The following COL4A2 variants were observed in gnomAD, a reference collection of about 807,000 sequenced individuals.
The protein encoded by COL4A2 is collagen alpha-2(IV) chain.
A neutral mutation model predicts 200.2 loss-of-function variants in COL4A2; 99 were observed. The observed-to-expected ratio is 0.49, with a 90% confidence interval of 0.42 to 0.58. The LOEUF is 0.58. COL4A2 is among the 20% of genes least tolerant of loss of function. COL4A2 has a pLI of 0.00. For synonymous variants in COL4A2, 897 were observed against 900.6 expected (o/e 1.00, Z 0.07); for missense variants, 1,950 against 2,314.1 (o/e 0.84, Z 3.23).
At chr13:110,376,568 A>G (rs1878245360) in intron 4 of COL4A2, among the ~76,000 whole-genome samples, 1 of 152,198 alleles carries the variant, frequency 6.6e-6, no homozygotes, top group African/African-American at 2.4e-5. Flanking sequence ...TATAAAAATC[A>G]TCGTTTTTAC....
intron 4 of COL4A2, among the ~76,000 whole-genome samples, chr13:110,369,942 G>A (rs1005899798): frequency 6.6e-6 from 1 of 152,158 alleles, no homozygotes; most frequent in Non-Finnish European, 1.5e-5. Flanking sequence ...ATCAATAGCT[G>A]CAATATACCC....
At chr13:110,474,316 A>T (rs1208857730) in intron 29 of COL4A2, among the ~76,000 whole-genome samples, 1 of 152,174 alleles carries the variant, frequency 6.6e-6, no homozygotes, top group East Asian at 1.9e-4. Flanking sequence ...CCTAAGCGAG[A>T]TGGAGGCTAG....
chr13:110,486,037 G>A (rs536786975), intron 34 of COL4A2, among the ~76,000 whole-genome samples: 25 of 152,300 alleles, frequency 1.6e-4, no homozygotes, highest in Non-Finnish European at 3.1e-4. Flanking sequence ...GAGTCCAACC[G>A]GCTGCCGTGG....
Position 110,512,186 on chromosome 13 carries a change from C to T in COL4A2, c.5134C>T (p.Leu1712=), listed in dbSNP as rs1281691864. ...CCGCTGCCAGGTGTGCATGAAGAAC[C>T]TGTGAGCCGGCGCGTGCCAGGAAGG... ...ISRCQVCMKN[L] The change falls in exon 48 of 48, where the codon CTG becomes TTG. Residue 1712 remains leucine (L), a synonymous_variant. Transcript: ENST00000360467. 7 of 1,611,526 alleles carry T rather than the reference C, an allele frequency of 4.3e-6. No individual in the cohort carries two copies. Among genetic ancestry groups the T allele is most frequent in the Non-Finnish European group, 5.9e-6 (7 of 1,178,912 alleles).
intron 16 of COL4A2, among the ~76,000 whole-genome samples, chr13:110,442,628 T>C (rs1423021604): frequency 6.6e-6 from 1 of 152,244 alleles, no homozygotes; most frequent in Non-Finnish European, 1.5e-5. Context: ...TGGTTGCCTG[T>C]CATCCCCACT....
intron 3 of COL4A2, among the ~76,000 whole-genome samples, chr13:110,355,927 A>G (rs1877242252): frequency 6.6e-6 from 1 of 151,888 alleles, no homozygotes; most frequent in African/African-American, 2.4e-5. Flanking sequence ...GCACTGGCTC[A>G]CCTGTGGAAT....
intron 32 of COL4A2, among the ~76,000 whole-genome samples, chr13:110,483,886 C>G (rs1478332156): frequency 6.6e-5 from 10 of 152,192 alleles, no homozygotes; most frequent in Non-Finnish European, 1.3e-4. Flanking sequence ...TGTAATTGTT[C>G]TGTTTACTGG....
chr13:110,358,183 T>C (rs1877368634), intron 4 of COL4A2, among the ~76,000 whole-genome samples: 1 of 152,242 alleles, frequency 6.6e-6, no homozygotes, highest in Non-Finnish European at 1.5e-5. Flanking sequence ...TTTTATTCGA[T>C]GTTTTTTTCT....
In COL4A2 at chr13:110,355,775, TGG is replaced by T. The variant is rs200746862; in HGVS notation, c.100-1693_100-1692del. On this transcript the variant is annotated intron_variant, in intron 3 of 47. Coordinates refer to ENST00000360467, the MANE Select transcript of COL4A2 (RefSeq NM_001846.4). ...AGGGCTGCACTAGCTCACCTGTGTG[TGG>T]GGGTGGAGGGCTGTACAGCTCACCT... is the stretch of plus-strand genomic sequence containing the variant. Among the ~76,000 whole-genome samples, 39 of 36,702 alleles carry T rather than the reference TGG, an allele frequency of 1.1e-3. 6 individuals are homozygous for T. The highest frequency in any genetic ancestry group is 1.5e-3 in the Non-Finnish European group (34 of 23,250). 24.1% of individuals were successfully genotyped at this position (36,702 alleles called of 152,430 possible).
chr13:110,439,992 A>G (rs937229778), intron 16 of COL4A2, among the ~76,000 whole-genome samples, 159 bp downstream of exon 16: 1 of 152,220 alleles, frequency 6.6e-6, no homozygotes, highest in Non-Finnish European at 1.5e-5. Flanking sequence ...CCTGCCTCAC[A>G]ATACTTGAAC....
At chr13:110,333,841 A>G (rs1876043692) in intron 3 of COL4A2, among the ~76,000 whole-genome samples, 1 of 152,230 alleles carries the variant, frequency 6.6e-6, no homozygotes, top group Non-Finnish European at 1.5e-5. Context: ...ATAAGTTCTT[A>G]TCACGATCTA....
At chr13:110,452,214 C>A (rs61963247) in intron 20 of COL4A2, among the ~76,000 whole-genome samples, 26,348 of 152,136 alleles carry the variant, frequency 0.17, 2,533 homozygotes, top group Middle Eastern at 0.38. Context: ...GCTCACTGCA[C>A]GCTCCGCCTC....
chr13:110,436,263 ATGCAGG>A lies in COL4A2; in HGVS notation c.727-5_727del. The A allele has an allele frequency of 6.2e-7, 1 of 1,614,042 alleles. No individual in the cohort carries two copies. Among genetic ancestry groups the A allele is most frequent in the Non-Finnish European group, 8.5e-7 (1 of 1,180,002 alleles). ...AAGACAACTGCTTTTGCTTAACAAT[ATGCAGG>A]GTGACGTAGGGCAGCCGGGACCCAA... On this transcript the variant is annotated splice_acceptor_variant and splice_polypyrimidine_tract_variant and coding_sequence_variant and intron_variant, in exon 13 of 48. Transcript: ENST00000360467. LOFTEE classifies it high-confidence loss of function.
At chr13:110,345,170 A>G (rs1389823627) in intron 3 of COL4A2, among the ~76,000 whole-genome samples, 1 of 152,176 alleles carries the variant, frequency 6.6e-6, no homozygotes, top group Admixed American at 6.5e-5. Context: ...GGTCTTGACT[A>G]CACTGACAAG....
intron 19 of COL4A2, 117 bp from the exon 20 acceptor site, chr13:110,450,188 T>G: frequency 1.3e-6 from 1 of 796,950 alleles, no homozygotes; most frequent in Non-Finnish European, 2.1e-6. Context: ...CCCATCGGAG[T>G]TATTGACGGG....
chr13:110,396,799 G>T (rs61670564), intron 4 of COL4A2, among the ~76,000 whole-genome samples: 6 of 152,304 alleles, frequency 3.9e-5, no homozygotes, highest in African/African-American at 1.2e-4. Context: ...GCATCAAATT[G>T]TAGAGAATTG....
intron 17 of COL4A2, 27 bp from the exon 18 acceptor site, chr13:110,446,771 T>A: frequency 6.3e-7 from 1 of 1,597,474 alleles, no homozygotes. Flanking sequence ...TATTCTCACA[T>A]CCTGTTTTTC....
intron 4 of COL4A2, among the ~76,000 whole-genome samples, chr13:110,413,872 A>C (rs142965542): frequency 0.01 from 1,524 of 152,324 alleles, 23 homozygotes; most frequent in African/African-American, 0.035. Context: ...GTATTGCTGC[A>C]TGCAGAGCAC....
chr13:110,470,685 A>T (rs1438733965), intron 28 of COL4A2, among the ~76,000 whole-genome samples: 1 of 152,230 alleles, frequency 6.6e-6, no homozygotes, highest in African/African-American at 2.4e-5. Flanking sequence ...CACACAGAAC[A>T]TCGGGACTGT....
Sources: gnomAD v4.1 joint callset for allele counts (sites outside exome capture counted in the v4.1 genomes callset) on GRCh38, gnomAD v4.1.1 for gene constraint, MANE v1.5 for transcripts, NCBI Gene and HGNC (gene_info 2026-07-23, HGNC 2026-07-21) for gene names.